The following SLC45A4 variants were observed in gnomAD, a reference collection of about 807,000 sequenced individuals.
SLC45A4 encodes the protein solute carrier family 45 member 4.
In SLC45A4, 32 loss-of-function variants were observed where a neutral mutation model predicts 63.7. That is an observed-to-expected ratio of 0.50 (90% CI 0.38 to 0.67). SLC45A4 has a LOEUF of 0.67. Ranked by LOEUF, SLC45A4 falls within the 30% of genes least tolerant of loss-of-function variation. The pLI is 0.00. For synonymous variants in SLC45A4, 535 were observed against 510.0 expected (o/e 1.05, Z -0.66); for missense variants, 1,027 against 1,157.7 (o/e 0.89, Z 1.64).
intron 3 of SLC45A4, among the ~76,000 whole-genome samples, 189 bp downstream of exon 3, chr8:141,221,388 C>A (rs1277001911): frequency 6.6e-6 from 1 of 152,290 alleles, no homozygotes; most frequent in African/African-American, 2.4e-5. Context: ...GTTCCTCCGG[C>A]TTTCCCACAT....
chr8:141,212,602 C>T (rs764551113), intron 7 of SLC45A4, 46 bp from the exon 8 acceptor site: 6 of 1,542,416 alleles, frequency 3.9e-6, no homozygotes, highest in Non-Finnish European at 5.2e-6. Context: ...GAGAAGGTGG[C>T]TGCTACCCGT....
chr8:141,279,073 C>A (rs973159505), intron 1 of SLC45A4, among the ~76,000 whole-genome samples: 2 of 152,270 alleles, frequency 1.3e-5, no homozygotes, highest in Non-Finnish European at 2.9e-5. Context: ...AAGACCCCCA[C>A]CTCTGTGACG....
intron 1 of SLC45A4, among the ~76,000 whole-genome samples, chr8:141,303,233 G>A (rs1320154380): frequency 4.0e-5 from 6 of 151,770 alleles, no homozygotes; most frequent in African/African-American, 1.2e-4. Flanking sequence ...CTGGGCTCAG[G>A]CAATCTGCCC....
intron 1 of SLC45A4, among the ~76,000 whole-genome samples, chr8:141,275,491 G>A (rs981485876): frequency 3.3e-5 from 5 of 152,138 alleles, no homozygotes; most frequent in East Asian, 3.9e-4. Context: ...CCAGCTATTC[G>A]GTAGGCTGAA....
Position 141,215,750 on chromosome 8 carries a change from T to G in SLC45A4, c.1941+9A>C. On this transcript the variant is annotated intron_variant, in intron 7 of 8. Coordinates refer to ENST00000517878, the MANE Select transcript of SLC45A4 (RefSeq NM_001286646.2). This position sits in a 1 kb window ranked among gnomAD's most constrained non-coding sequence, Gnocchi z 4.3. ...TGGAGCGCAGATCTCAGGGCTACGGTGGACGCACCTGCTTGATGTCATGGT... is the reference window on the plus strand; with the variant it reads ...TGGAGCGCAGATCTCAGGGCTACGGGGGACGCACCTGCTTGATGTCATGGT... 3.7e-6 allele frequency: 6 copies of G among 1,612,286 alleles called. No individual in the cohort carries two copies. Among genetic ancestry groups the G allele is most frequent in the Non-Finnish European group, 5.1e-6 (6 of 1,179,928 alleles).
chr8:141,236,707 A>G (rs1170125090), intron 2 of SLC45A4, among the ~76,000 whole-genome samples: 1 of 152,232 alleles, frequency 6.6e-6, no homozygotes, highest in Non-Finnish European at 1.5e-5. Flanking sequence ...ATTTTATTCT[A>G]AAACTTACTT....
chr8:141,239,156 G>A (rs964602944), intron 2 of SLC45A4, among the ~76,000 whole-genome samples: 2 of 152,196 alleles, frequency 1.3e-5, no homozygotes, highest in Non-Finnish European at 2.9e-5. Context: ...GGTTACCCAC[G>A]TGACTGCGGC....
In SLC45A4 at chr8:141,211,281, G is replaced by C. The variant is rs532047676; in HGVS notation, c.*291C>G. On this transcript the variant is annotated 3_prime_UTR_variant, in exon 9 of 9. Transcript: ENST00000517878. Reference sequence around the variant, plus strand: ...TGGGAGCGGTCTGGAGGGGCAACCTGGCCTCCTAGGAGAGTCCTTCAGACG... The same window carrying C: ...TGGGAGCGGTCTGGAGGGGCAACCTCGCCTCCTAGGAGAGTCCTTCAGACG... 2.1e-5 allele frequency: 15 copies of C among 712,200 alleles called. No individual in the cohort carries two copies. In the African/African-American group the frequency reaches 2.4e-4, roughly 11 times the overall value. 44.1% of individuals were successfully genotyped at this position (712,200 alleles called of 1,614,324 possible).
chr8:141,215,773 G>A lies in SLC45A4; in HGVS notation c.1927C>T (p.His643Tyr). The A allele has an allele frequency of 6.2e-7, 1 of 1,613,494 alleles. No homozygotes were observed. The highest frequency in any genetic ancestry group is 8.5e-7 in the Non-Finnish European group (1 of 1,180,006). ...YCPYALLGQYHDIKQYIHHSP... is the reference protein window; with the variant it reads ...YCPYALLGQYYDIKQYIHHSP... ...GGTGGACGCACCTGCTTGATGTCAT[G>A]GTACTGGCCCAGCAGGGCGTACGGG... Residue 643 changes from histidine to tyrosine, a missense_variant, in exon 7 of 9, where the codon CAT becomes TAT. Coordinates refer to ENST00000517878, the MANE Select transcript of SLC45A4 (RefSeq NM_001286646.2). The surrounding 1 kb of genome is among the most constrained non-coding windows in gnomAD (Gnocchi z 4.3).
chr8:141,232,277 A>G (rs553548332), intron 2 of SLC45A4, among the ~76,000 whole-genome samples: 1 of 152,376 alleles, frequency 6.6e-6, no homozygotes, highest in East Asian at 1.9e-4. Context: ...TGCTTTGGCC[A>G]TGGGCTGGTT....
intron 1 of SLC45A4, among the ~76,000 whole-genome samples, chr8:141,258,417 T>C (rs1365589539): frequency 6.6e-6 from 1 of 152,208 alleles, no homozygotes; most frequent in East Asian, 1.9e-4. Flanking sequence ...TCTCAGCACC[T>C]TGTTTGCAAA....
At chr8:141,252,172 G>A (rs1405311603) in intron 2 of SLC45A4, 1 of 151,654 alleles carries the variant, frequency 6.6e-6, no homozygotes, top group Non-Finnish European at 1.5e-5. Flanking sequence ...TATTGCTAAG[G>A]GTTTGGAAAA....
In SLC45A4 at chr8:141,247,451, G is replaced by A. The variant is rs144647302; in HGVS notation, c.241+6538C>T. ...ATTATGTTCATGGATCGAAGGACTC[G>A]AAATTAAGATGTCAATTCTCTATAG... On this transcript the variant is annotated intron_variant, in intron 2 of 8. Coordinates refer to ENST00000517878, the MANE Select transcript of SLC45A4 (RefSeq NM_001286646.2). 2.4e-3 allele frequency among the ~76,000 whole-genome samples: 360 copies of A among 152,282 alleles called. 2 individuals carry two copies. The highest frequency in any genetic ancestry group is 0.017 in the East Asian group (88 of 5,184).
chr8:141,228,558 T>C, intron 2 of SLC45A4: 1 of 1,255,580 alleles, frequency 8.0e-7, no homozygotes, highest in Non-Finnish European at 1.0e-6. Context: ...GAGCATGGGC[T>C]CCTCTCTGCC....
At chr8:141,212,145 C>CCCCGGGGGGGGGGGGGGGG in intron 8 of SLC45A4, 52 bp downstream of exon 8, 1 of 955,996 alleles carries the variant, frequency 1.0e-6, no homozygotes, top group Non-Finnish European at 1.3e-6. Context: ...GCCGCCCGCC[C>CCCCGGGGGGGGGGGGGGGG]GCCCGCCCAC....
intron 1 of SLC45A4, among the ~76,000 whole-genome samples, chr8:141,257,201 C>T (rs745587342): frequency 2.2e-4 from 33 of 152,308 alleles, no homozygotes; most frequent in Middle Eastern, 6.8e-3. Context: ...TAAGAAACCA[C>T]CCAGGTTTAA....
Position 141,212,281 on chromosome 8 carries a change from C to A in SLC45A4, c.2217G>T (p.Arg739Ser). 6.2e-7 allele frequency: 1 copy of A among 1,605,770 alleles called. No individual in the cohort carries two copies. The highest frequency in any genetic ancestry group is 8.5e-7 in the Non-Finnish European group (1 of 1,174,824). ...TGGGCTTTTCGCTGTTCCCACCGGC[C>A]CTGCCTTCGCCGGCCAACGGGGAAG... The part of the protein sequence containing the change: ...GLSSPLAGEG[R>S]AGGNSEKPTV... The change falls in exon 8 of 9, where the codon AGG (arginine) becomes AGT (serine). Residue 739 changes from arginine (R) to serine (S), a missense_variant. Coordinates refer to ENST00000517878, the MANE Select transcript of SLC45A4 (RefSeq NM_001286646.2).
In SLC45A4 at chr8:141,215,823, A is replaced by T; in HGVS notation, c.1877T>A (p.Ile626Asn). 1 of 1,614,100 alleles carries T rather than the reference A, an allele frequency of 6.2e-7. No homozygotes were observed. Among genetic ancestry groups the T allele is most frequent in the South Asian group, 1.1e-5 (1 of 91,086 alleles). Residue 626 changes from isoleucine to asparagine, a missense_variant, in exon 7 of 9, where the codon ATC (isoleucine) becomes AAC (asparagine). Ile to Asn is a moderately radical substitution (Grantham distance 149, BLOSUM62 -3). Transcript: ENST00000517878. This position sits in a 1 kb window ranked among gnomAD's most constrained non-coding sequence, Gnocchi z 4.3. ...GCAGTAGGAGATGCTCATGGAGACGATGCCCATGGTGCTGATGGTGACCAT... is the reference window on the plus strand; with the variant it reads ...GCAGTAGGAGATGCTCATGGAGACGTTGCCCATGGTGCTGATGGTGACCAT... Reference protein sequence around the residue: ...VAMVTISTMGIVSMSISYCPY... With the variant: ...VAMVTISTMGNVSMSISYCPY...
chr8:141,251,363 T>C (rs1828456673), intron 2 of SLC45A4, among the ~76,000 whole-genome samples: 1 of 152,104 alleles, frequency 6.6e-6, no homozygotes, highest in South Asian at 2.1e-4. Context: ...GCCCTTGCCC[T>C]GCTCTCCATG....
Sources: allele counts gnomAD v4.1 joint callset (sites outside exome capture counted in the v4.1 genomes callset), GRCh38; gene constraint gnomAD v4.1.1; non-coding constraint Gnocchi (gnomAD v3.1); transcripts MANE v1.5; gene names NCBI Gene and HGNC (gene_info 2026-07-23, HGNC 2026-07-21).